The following SUPT3H variants were observed in gnomAD, a reference collection of about 807,000 sequenced individuals.
SUPT3H encodes transcription initiation protein SPT3 homolog.
In SUPT3H, 44 loss-of-function variants were observed where a neutral mutation model predicts 44.3. That is an observed-to-expected ratio of 0.99 (90% CI 0.78 to 1.28). The LOEUF is 1.28. Among genes scored for constraint, SUPT3H ranks in the 50% most tolerant of loss-of-function variants. The probability of loss-of-function intolerance (pLI) is 0.00; values close to 1 mark genes in which losing one functional copy is unlikely to be tolerated. For missense variants in SUPT3H, 380 were observed against 387.1 expected (o/e 0.98, Z 0.15); for synonymous variants, 124 against 125.6 (o/e 0.99, Z 0.09).
chr6:44,999,773 G>C (rs1781772076), intron 6 of SUPT3H, among the ~76,000 whole-genome samples: 1 of 151,918 alleles, frequency 6.6e-6, no homozygotes, highest in Admixed American at 6.6e-5. Flanking sequence ...CAATGCTCTG[G>C]AATTTGATGA....
intron 3 of SUPT3H, among the ~76,000 whole-genome samples, chr6:45,038,402 C>T (rs1195740750): frequency 1.3e-5 from 2 of 152,220 alleles, no homozygotes; most frequent in South Asian, 2.1e-4. Context: ...GTCTAACACC[C>T]ACCAACAGCT....
intron 2 of SUPT3H, among the ~76,000 whole-genome samples, chr6:45,211,702 A>AG (rs1262554446): frequency 6.6e-6 from 1 of 152,048 alleles, no homozygotes; most frequent in African/African-American, 2.4e-5. Context: ...TATAAAAATT[A>AG]GGGGGGCGTG....
At chr6:45,282,438 T>C (rs1584678695) in intron 2 of SUPT3H, among the ~76,000 whole-genome samples, 1 of 152,178 alleles carries the variant, frequency 6.6e-6, no homozygotes, top group Admixed American at 6.5e-5. Flanking sequence ...ACGTGACAAA[T>C]GCACAAGCTT....
intron 2 of SUPT3H, among the ~76,000 whole-genome samples, chr6:45,320,645 T>C (rs764609282): frequency 6.6e-6 from 1 of 152,156 alleles, no homozygotes; most frequent in Non-Finnish European, 1.5e-5. Flanking sequence ...TTACTTATCA[T>C]CTGCTTTCAC....
chr6:45,372,603 G>C, intron 1 of SUPT3H, among the ~76,000 whole-genome samples: 1 of 152,066 alleles, frequency 6.6e-6, no homozygotes. Context: ...TCAATTTACT[G>C]TCCTGTGAAT....
chr6:45,265,432 T>C (rs1414221431), intron 2 of SUPT3H, among the ~76,000 whole-genome samples: 1 of 152,120 alleles, frequency 6.6e-6, no homozygotes. Context: ...CTAATGATAT[T>C]TAGCATGAGT....
intron 2 of SUPT3H, among the ~76,000 whole-genome samples, chr6:45,116,243 T>C (rs1333236622): frequency 1.1e-4 from 16 of 152,154 alleles, no homozygotes; most frequent in Admixed American, 1.0e-3. Flanking sequence ...ACATTTTATT[T>C]TGAAAGATTC....
At chr6:44,989,620 A>C (rs918278736) in intron 6 of SUPT3H, among the ~76,000 whole-genome samples, 2 of 152,108 alleles carry the variant, frequency 1.3e-5, no homozygotes, top group Non-Finnish European at 2.9e-5. Flanking sequence ...CCTTTCCCAC[A>C]AATAACGTAC....
In SUPT3H at chr6:45,029,412, ATAAT is replaced by A. The variant is rs1477457064; in HGVS notation, c.187-8784_187-8781del. 3.3e-5 allele frequency among the ~76,000 whole-genome samples: 5 copies of A among 151,152 alleles called. 1 individual carries two copies. The South Asian group carries it at 6.2e-4, about 19-fold the overall frequency. ...ACATATATTGCATGTGTATATATAT[ATAAT>A]TACTCAGTTACAATCAATGTGACCT... On this transcript the variant is annotated intron_variant, in intron 3 of 10. Transcript: ENST00000371459.
chr6:44,919,154 T>C (rs551685008), intron 10 of SUPT3H, among the ~76,000 whole-genome samples: 2 of 152,336 alleles, frequency 1.3e-5, no homozygotes, highest in East Asian at 1.9e-4. Context: ...TTACGTTCCT[T>C]ACAGTTTCTT....
At chr6:44,875,377 A>G (rs1389650401) in intron 10 of SUPT3H, among the ~76,000 whole-genome samples, 311 of 25,468 alleles carry the variant, frequency 0.012, no homozygotes, top group African/African-American at 0.025. Context: ...TCTTTGACAA[A>G]CCTGAGAAAA....
chr6:45,297,151 A>C (rs1781430750), intron 2 of SUPT3H, among the ~76,000 whole-genome samples: 1 of 152,114 alleles, frequency 6.6e-6, no homozygotes, highest in African/African-American at 2.4e-5. Flanking sequence ...GCCAGGTTTC[A>C]GACATCATGA....
intron 2 of SUPT3H, among the ~76,000 whole-genome samples, chr6:45,186,487 T>C (rs1332063218): frequency 2.0e-5 from 3 of 152,112 alleles, no homozygotes; most frequent in South Asian, 2.1e-4. Context: ...ACTGAAAATA[T>C]AATAGCCCAA....
intron 10 of SUPT3H, among the ~76,000 whole-genome samples, chr6:44,852,080 CT>C (rs1476756247): frequency 2.0e-5 from 3 of 152,166 alleles, no homozygotes; most frequent in Admixed American, 6.5e-5. Context: ...ACCATATCTT[CT>C]ATTTTCCAGC....
chr6:45,289,002 G>C (rs535617267), intron 2 of SUPT3H, among the ~76,000 whole-genome samples: 1 of 152,002 alleles, frequency 6.6e-6, no homozygotes, highest in African/African-American at 2.4e-5. Flanking sequence ...GGATCCATAG[G>C]AGCTATTTCT....
At position 44,826,734 on chromosome 6, in the gene SUPT3H, C is replaced by T. The variant is rs1159127854; in HGVS notation, c.*3082G>A. On this transcript the variant is annotated 3_prime_UTR_variant, in exon 11 of 11. Coordinates refer to ENST00000371459, the MANE Select transcript of SUPT3H (RefSeq NM_003599.4). Reference sequence around the variant, plus strand: ...CTAAACAAGTAAACATGTTTTCTTTCAGACCAAGAATCACCAGTTATGTTT... The same window carrying T: ...CTAAACAAGTAAACATGTTTTCTTTTAGACCAAGAATCACCAGTTATGTTT... Among the ~76,000 whole-genome samples the T allele has an allele frequency of 6.6e-6, 1 of 152,134 alleles. No individual in the cohort carries two copies. Among genetic ancestry groups the T allele is most frequent in the Non-Finnish European group, 1.5e-5 (1 of 68,012 alleles).
intron 3 of SUPT3H, among the ~76,000 whole-genome samples, chr6:45,094,490 G>A (rs1056287573): frequency 2.6e-5 from 4 of 152,048 alleles, no homozygotes; most frequent in Admixed American, 6.6e-5. Context: ...TTGGTTAGTA[G>A]GATATACTAC....
At chr6:44,956,567 G>A (rs575643752) in intron 7 of SUPT3H, among the ~76,000 whole-genome samples, 13 of 148,162 alleles carry the variant, frequency 8.8e-5, no homozygotes, top group African/African-American at 3.2e-4. Context: ...TAAATAAACT[G>A]ACATCTGGTC....
chr6:45,073,417 CA>C (rs917764948), intron 3 of SUPT3H, among the ~76,000 whole-genome samples: 10 of 150,984 alleles, frequency 6.6e-5, no homozygotes, highest in African/African-American at 1.2e-4. Flanking sequence ...TCAGAAAATA[CA>C]AAAAAAAGCT....
Sources: gnomAD v4.1 joint callset for allele counts (sites outside exome capture counted in the v4.1 genomes callset) on GRCh38, gnomAD v4.1.1 for gene constraint, MANE v1.5 for transcripts, NCBI Gene and HGNC (gene_info 2026-07-23, HGNC 2026-07-21) for gene names.